Variants in PLA2G4C observed in about 807,000 individuals in gnomAD.
PLA2G4C encodes the protein cytosolic phospholipase A2 gamma.
Under a neutral mutation model 73.8 loss-of-function variants are expected in PLA2G4C, and 64 were observed. That is an observed-to-expected ratio of 0.87 (90% CI 0.71 to 1.07). The LOEUF (loss-of-function observed/expected upper bound fraction) is 1.07, where lower values mean the gene tolerates loss of function less well. Ranked by LOEUF, PLA2G4C falls within the 50% of genes least tolerant of loss-of-function variation. The probability of loss-of-function intolerance (pLI) is 0.00; values close to 1 mark genes in which losing one functional copy is unlikely to be tolerated. For synonymous variants in PLA2G4C, 254 were observed against 252.1 expected (o/e 1.01, Z -0.07); for missense variants, 622 against 665.4 (o/e 0.93, Z 0.72).
Position 48,110,549 on chromosome 19 carries a change from G to GGAGGCTTGGGCTCCGGAATCCGGTGCA in PLA2G4C, c.-96_-95insTGCACCGGATTCCGGAGCCCAAGCCTC. The GGAGGCTTGGGCTCCGGAATCCGGTGCA allele has an allele frequency of 3.3e-6, 5 of 1,525,344 alleles. No individual in the cohort carries two copies. The highest frequency in any genetic ancestry group is 2.0e-5 in the Admixed American group (1 of 49,494). 94.5% of individuals were successfully genotyped at this position (1,525,344 alleles called of 1,614,324 possible). A position where few individuals can be genotyped will look rare whatever the true frequency, so the allele number is the denominator to read the frequency against. On this transcript the variant is annotated 5_prime_UTR_variant, in exon 1 of 17. Transcript: ENST00000599921. ...GAGCTTGTGCTCCGGAATCCGGTGC[G>GGAGGCTTGGGCTCCGGAATCCGGTGCA]GAGGCTTGGGCTCCCTGCGCTTAGC...
intron 10 of PLA2G4C, among the ~76,000 whole-genome samples, chr19:48,080,803 C>CA (rs200460762): frequency 0.036 from 4,210 of 115,680 alleles, 182 homozygotes; most frequent in African/African-American, 0.11. Context: ...GACTCTGCCT[C>CA]AAAAAAAAAA....
chr19:48,104,289 C>T (rs758280994), intron 4 of PLA2G4C: 3 of 298,318 alleles, frequency 1.0e-5, no homozygotes, highest in Non-Finnish European at 1.9e-5. Flanking sequence ...GAACATGAGG[C>T]GGAAGCTGTG....
rs11564616 is a variant in PLA2G4C, at chr19:48,073,770, C to T, written c.1006+997G>A. On this transcript the variant is annotated intron_variant, in intron 12 of 16. Transcript: ENST00000599921. ...AATGGGGAGCAGGCACATCACTTGC[C>T]GAGAGCAGGAGCAAGAGAGCGAGGG... is the stretch of plus-strand genomic sequence containing the variant. Among the ~76,000 whole-genome samples, 755 of 151,924 alleles carry T rather than the reference C, an allele frequency of 5.0e-3. 3 individuals are homozygous for T. Among genetic ancestry groups the T allele is most frequent in the African/African-American group, 0.017 (710 of 41,424 alleles).
In PLA2G4C at chr19:48,099,856, T is replaced by C. The variant is rs376111893; in HGVS notation, c.262A>G (p.Ile88Val). ...CCATCATTGGTGTAGAGAGAAGATATTGCCCTGGAGGACAGAGGAAGAGAG... is the reference window on the plus strand; with the variant it reads ...CCATCATTGGTGTAGAGAGAAGATACTGCCCTGGAGGACAGAGGAAGAGAG... ...LAGVSGSTWA[I>V]SSLYTNDGDM... The change falls in exon 5 of 17, where the codon ATA (isoleucine) becomes GTA (valine). Residue 88 changes from isoleucine (I) to valine (V), a missense_variant. Ile to Val is a conservative substitution (Grantham distance 29). Coordinates refer to ENST00000599921, the MANE Select transcript of PLA2G4C (RefSeq NM_003706.3). 8.4e-5 allele frequency: 135 copies of C among 1,610,890 alleles called. No individual in the cohort carries two copies. The highest frequency in any genetic ancestry group is 1.1e-4 in the Non-Finnish European group (131 of 1,177,684).
rs34888766 is a variant in PLA2G4C at position 48,048,390 on chromosome 19, T to TG, written c.1581-3dup. The TG allele has an allele frequency of 1.9e-6, 3 of 1,585,106 alleles. No homozygotes were observed. Among genetic ancestry groups the TG allele is most frequent in the Non-Finnish European group, 2.6e-6 (3 of 1,170,100 alleles). On this transcript the variant is annotated splice_region_variant and splice_polypyrimidine_tract_variant and intron_variant, in intron 16 of 16. Transcript: ENST00000599921. ...GCACTATCCTTCGGGTAGTAGAGCC[T>TG]GGGGAGAAAGGAAAGTTAGAAGTTA...
chr19:48,051,203 AAAGGC>A (rs1254412652), intron 16 of PLA2G4C, among the ~76,000 whole-genome samples: 1 of 152,138 alleles, frequency 6.6e-6, no homozygotes, highest in Non-Finnish European at 1.5e-5. Context: ...AGAAGCTGAA[AAAGGC>A]AAGGAACAGC....
At chr19:48,095,290 G>A (rs2031509009) in intron 7 of PLA2G4C, among the ~76,000 whole-genome samples, 174 bp downstream of exon 7, 1 of 152,110 alleles carries the variant, frequency 6.6e-6, no homozygotes, top group African/African-American at 2.4e-5. Flanking sequence ...ACCTTTGAGA[G>A]ACACTGAAGA....
chr19:48,079,583 C>G (rs2030404225), intron 10 of PLA2G4C, among the ~76,000 whole-genome samples: 1 of 152,154 alleles, frequency 6.6e-6, no homozygotes, highest in Admixed American at 6.5e-5. Flanking sequence ...CATAAAAATT[C>G]TAGAAGATAA....
At chr19:48,080,602 C>T (rs999220621) in intron 10 of PLA2G4C, among the ~76,000 whole-genome samples, 11 of 151,444 alleles carry the variant, frequency 7.3e-5, no homozygotes, top group Non-Finnish European at 1.3e-4. Flanking sequence ...CGAGGTCAGG[C>T]GTTCAAGACC....
intron 6 of PLA2G4C, chr19:48,097,911 G>T: frequency 2.3e-6 from 1 of 426,660 alleles, no homozygotes; most frequent in Non-Finnish European, 4.1e-6. Context: ...GAGCCACCAT[G>T]TTGGCCTCTT....
intron 13 of PLA2G4C, 69 bp downstream of exon 13, chr19:48,067,722 C>T: frequency 1.9e-6 from 2 of 1,048,846 alleles, no homozygotes; most frequent in Middle Eastern, 2.5e-4. Flanking sequence ...TCAGGCCCAC[C>T]CCCTTCCCCT....
Position 48,048,382 on chromosome 19 carries a change from G to A in PLA2G4C, c.1587C>T (p.Tyr529=). The part of the protein sequence containing the change: ...LRELMNVAGL[Y]YPKDSARSCC... ...AACTTCGGGCACTATCCTTCGGGTA[G>A]TAGAGCCTGGGGAGAAAGGAAAGTT... The change falls in exon 17 of 17, where the codon TAC becomes TAT. Residue 529 remains tyrosine, a synonymous_variant. Coordinates refer to ENST00000599921, the MANE Select transcript of PLA2G4C (RefSeq NM_003706.3). 1 of 1,591,292 alleles carries A rather than the reference G, an allele frequency of 6.3e-7. No individual in the cohort carries two copies. The highest frequency in any genetic ancestry group is 8.5e-7 in the Non-Finnish European group (1 of 1,172,116).
chr19:48,090,178 G>A, intron 8 of PLA2G4C, 186 bp downstream of exon 8: 1 of 588,336 alleles, frequency 1.7e-6, no homozygotes, highest in Non-Finnish European at 3.1e-6. Flanking sequence ...TTCCAAGGGA[G>A]TCTGTACTCT....
chr19:48,076,347 A>G (rs973135051), intron 11 of PLA2G4C, among the ~76,000 whole-genome samples: 1 of 152,120 alleles, frequency 6.6e-6, no homozygotes, highest in Non-Finnish European at 1.5e-5. Flanking sequence ...CTGGTGCCCA[A>G]TACTTCCAGG....
intron 14 of PLA2G4C, among the ~76,000 whole-genome samples, chr19:48,059,101 T>A (rs958290404): frequency 1.3e-5 from 2 of 151,926 alleles, no homozygotes; most frequent in African/African-American, 4.8e-5. Flanking sequence ...TGAAACCCCG[T>A]CTCTACTAAA....
At position 48,062,160 on chromosome 19, in the gene PLA2G4C, G is replaced by A; in HGVS notation, c.1103-8C>T. ...TCTTGTCCCGGATGCCACCTGTGGT[G>A]CCCAGGAAGAAAGAGGATCAGCTGC... On this transcript the variant is annotated splice_region_variant and splice_polypyrimidine_tract_variant and intron_variant, in intron 13 of 16. Transcript: ENST00000599921. The A allele has an allele frequency of 6.5e-7, 1 of 1,544,224 alleles. No homozygotes were observed. Among genetic ancestry groups the A allele is most frequent in the Non-Finnish European group, 8.7e-7 (1 of 1,143,820 alleles).
At chr19:48,080,179 A>T (rs2030451235) in intron 10 of PLA2G4C, among the ~76,000 whole-genome samples, 1 of 152,174 alleles carries the variant, frequency 6.6e-6, no homozygotes, top group African/African-American at 2.4e-5. Flanking sequence ...ATGAATAGAC[A>T]TTTCTCAAAA....
intron 14 of PLA2G4C, among the ~76,000 whole-genome samples, chr19:48,060,629 G>A (rs1003131301): frequency 5.3e-5 from 8 of 152,120 alleles, no homozygotes; most frequent in African/African-American, 1.7e-4. Context: ...CCTATCGCTC[G>A]GGGTCATGCA....
chr19:48,100,346 G>A (rs541791058), intron 4 of PLA2G4C, among the ~76,000 whole-genome samples: 6 of 151,990 alleles, frequency 3.9e-5, no homozygotes, highest in South Asian at 2.1e-4. Context: ...GTGAAACCCC[G>A]TCTCCACTAA....
Sources: allele counts gnomAD v4.1 joint callset (sites outside exome capture counted in the v4.1 genomes callset), GRCh38; gene constraint gnomAD v4.1.1; transcripts MANE v1.5; gene names NCBI Gene and HGNC (gene_info 2026-07-23, HGNC 2026-07-21).